MTF1: variants seen among roughly 807,000 people sequenced by gnomAD.
MTF1 encodes MRE-binding transcription factor.
A neutral mutation model predicts 70.4 loss-of-function variants in MTF1; 22 were observed. The ratio of observed to expected loss-of-function variants is 0.31; its 90% CI spans 0.22 to 0.45. The LOEUF (loss-of-function observed/expected upper bound fraction) is 0.45, where lower values mean the gene tolerates loss of function less well. Ranked by LOEUF, MTF1 falls within the 20% of genes least tolerant of loss-of-function variation. The pLI, the probability that MTF1 is intolerant of heterozygous loss-of-function variation, is 1.00. For synonymous variants in MTF1, 333 were observed against 352.8 expected, an observed-to-expected ratio of 0.94 and a Z score of 0.63; for missense variants, 649 against 922.0, an observed-to-expected ratio of 0.70 and a Z score of 3.83.
At position 37,815,095 on chromosome 1, in the gene MTF1, T is replaced by C. The variant is rs771862954; in HGVS notation, c.*41A>G. On this transcript the variant is annotated 3_prime_UTR_variant, in exon 11 of 11. Coordinates refer to ENST00000373036, the MANE Select transcript of MTF1 (RefSeq NM_005955.3). The surrounding 1 kb of genome is among the most constrained non-coding windows in gnomAD (Gnocchi z 4.5). ...GGCAGGCATTGTACCTCATGCCTCC[T>C]GCTCACCCGCTTTTCCCAGAGGTGA... 4.2e-5 allele frequency: 66 copies of C among 1,574,870 alleles called. No homozygotes were observed. Among genetic ancestry groups the C allele is most frequent in the Non-Finnish European group, 5.0e-5 (57 of 1,149,944 alleles).
At chr1:37,838,223 G>A (rs1433313989) in intron 4 of MTF1, among the ~76,000 whole-genome samples, 1 of 152,070 alleles carries the variant, frequency 6.6e-6, no homozygotes, top group Non-Finnish European at 1.5e-5. Flanking sequence ...CCTCCTCTGG[G>A]CTTAAGGCAC....
chr1:37,858,022 A>AAT (rs1641527179), intron 1 of MTF1, among the ~76,000 whole-genome samples: 1 of 151,710 alleles, frequency 6.6e-6, no homozygotes, highest in Non-Finnish European at 1.5e-5. Flanking sequence ...TAATAAAAAA[A>AAT]AAAAAAAAAG....
At chr1:37,827,336 G>GTTATTATTATTATTA (rs71573764) in intron 7 of MTF1, among the ~76,000 whole-genome samples, 9 of 144,086 alleles carry the variant, frequency 6.2e-5, no homozygotes, top group African/African-American at 2.3e-4. Context: ...CCTCATAGTT[G>GTTATTATTATTATTA]TTATTATTAT....
intron 6 of MTF1, among the ~76,000 whole-genome samples, chr1:37,833,786 G>C (rs545465230): frequency 6.6e-6 from 1 of 152,006 alleles, no homozygotes; most frequent in African/African-American, 2.4e-5. Flanking sequence ...TTTGAGTAGA[G>C]AGTGAAGGAA....
In MTF1 at chr1:37,822,373, A is replaced by T. The variant is rs767763261; in HGVS notation, c.1515T>A (p.Ala505=). The T allele has an allele frequency of 8.1e-6, 13 of 1,613,768 alleles. No homozygotes were observed. The South Asian group carries it at 1.4e-4, about 18-fold the overall frequency. Residue 505 remains alanine (A), a synonymous_variant, in exon 9 of 11, where the codon GCT becomes GCA. Coordinates refer to ENST00000373036, the MANE Select transcript of MTF1 (RefSeq NM_005955.3). ...IVPGLSVVAG[A]SASAAAVASA... The stretch of plus-strand genomic sequence containing the variant: ...ATGCCACTGCCGCTGCTGATGCAGA[A>T]GCCCCAGCAACAACAGAAAGTCCTG...
intron 2 of MTF1, among the ~76,000 whole-genome samples, chr1:37,842,060 A>C: frequency 6.6e-6 from 1 of 152,088 alleles, no homozygotes; most frequent in East Asian, 1.9e-4. Context: ...GGGAAAAAAA[A>C]CTAGATAAAC....
chr1:37,834,479 A>C (rs1641134150), intron 6 of MTF1, among the ~76,000 whole-genome samples: 1 of 152,190 alleles, frequency 6.6e-6, no homozygotes. Context: ...TTAAAAATCT[A>C]TAAAATAAAA....
At chr1:37,817,070 T>G (rs899867472) in intron 10 of MTF1, among the ~76,000 whole-genome samples, 2 of 152,244 alleles carry the variant, frequency 1.3e-5, no homozygotes, top group African/African-American at 4.8e-5. Flanking sequence ...CAGATGCTAT[T>G]TCTTCATTAC....
At chr1:37,855,635 A>C (rs1187985082) in intron 2 of MTF1, among the ~76,000 whole-genome samples, 1 of 152,144 alleles carries the variant, frequency 6.6e-6, no homozygotes, top group Non-Finnish European at 1.5e-5. Context: ...ACTACTAGTG[A>C]CTTATTTTTT....
chr1:37,852,023 G>A (rs1641425064), intron 2 of MTF1, among the ~76,000 whole-genome samples: 1 of 151,946 alleles, frequency 6.6e-6, no homozygotes, highest in Admixed American at 6.6e-5. Context: ...AGGCTTCTTC[G>A]GGGCTCCTCA....
intron 9 of MTF1, among the ~76,000 whole-genome samples, chr1:37,821,886 G>A (rs1045871255): frequency 2.6e-5 from 4 of 151,934 alleles, no homozygotes; most frequent in Non-Finnish European, 4.4e-5. Context: ...AGGAATATTT[G>A]TTTGAGTGCC....
intron 7 of MTF1, among the ~76,000 whole-genome samples, chr1:37,826,296 CCT>C (rs1641000375): frequency 6.6e-6 from 1 of 152,076 alleles, no homozygotes; most frequent in South Asian, 2.1e-4. Context: ...CTTTTCCCCC[CCT>C]TTTTTTCAGA....
At chr1:37,837,393 G>A (rs577429250) in intron 4 of MTF1, among the ~76,000 whole-genome samples, 155 of 152,196 alleles carry the variant, frequency 1.0e-3, no homozygotes, top group African/African-American at 3.6e-3. Context: ...TGTCTCTAAC[G>A]ACTTTTTATT....
rs1031067861 is a variant in MTF1 at position 37,813,302 on chromosome 1, C to T, written c.*1834G>A. On this transcript the variant is annotated 3_prime_UTR_variant, in exon 11 of 11. Coordinates refer to ENST00000373036, the MANE Select transcript of MTF1 (RefSeq NM_005955.3). ...CAAAAAAAAAAAGAAGTCAATTATT[C>T]TGGCTAGGGTCCTGGAATGAGAAAT... The T allele has an allele frequency of 6.6e-6, 1 of 152,124 alleles. No individual in the cohort carries two copies. The highest frequency in any genetic ancestry group is 6.6e-5 in the Admixed American group (1 of 15,258). The allele number at this position is 152,124 out of a possible 1,614,324, so 9.4% of individuals were successfully genotyped here. A position where few individuals can be genotyped will look rare whatever the true frequency, so the allele number is the denominator to read the frequency against.
Position 37,809,907 on chromosome 1 carries a change from C to T in MTF1, c.*5229G>A, listed in dbSNP as rs1179219771. The stretch of plus-strand genomic sequence containing the variant: ...ATTTTAAAAGTTGTCACCAAGACCC[C>T]GGCCAATGATTAGTGTATGTCAAAA... On this transcript the variant is annotated 3_prime_UTR_variant, in exon 11 of 11. Transcript: ENST00000373036. 6.6e-6 allele frequency: 1 copy of T among 152,562 alleles called. No homozygotes were observed. The highest frequency in any genetic ancestry group is 1.5e-5 in the Non-Finnish European group (1 of 68,016). 9.5% of individuals were successfully genotyped at this position (152,562 alleles called of 1,614,324 possible).
In MTF1 at chr1:37,815,507, C is replaced by T. The variant is rs200294506; in HGVS notation, c.1891G>A (p.Ala631Thr). ...VPVIIIKQEE[A>T]CQCQCACRDS... ...CGGCATGCACACTGACACTGACATG[C>T]CTCTTCTTGTTTGATGATGATCACA... The change falls in exon 11 of 11, where the codon GCA (alanine) becomes ACA (threonine). Residue 631 changes from alanine (A) to threonine (T), a missense_variant. Transcript: ENST00000373036. The surrounding 1 kb of genome is among the most constrained non-coding windows in gnomAD (Gnocchi z 4.5). The T allele has an allele frequency of 6.4e-7, 1 of 1,554,100 alleles. No individual in the cohort carries two copies. The highest frequency in any genetic ancestry group is 8.7e-7 in the Non-Finnish European group (1 of 1,152,188).
At chr1:37,842,707 C>T (rs1468614270) in intron 2 of MTF1, among the ~76,000 whole-genome samples, 3 of 152,090 alleles carry the variant, frequency 2.0e-5, no homozygotes, top group Non-Finnish European at 4.4e-5. Context: ...AATTCTGGCA[C>T]TTTTGTTCAA....
In MTF1 at chr1:37,857,389, G is replaced by A. The variant is rs766151369; in HGVS notation, c.270C>T (p.Ser90=). 1 of 1,614,122 alleles carries A rather than the reference G, an allele frequency of 6.2e-7. No individual in the cohort carries two copies. Among genetic ancestry groups the A allele is most frequent in the East Asian group, 2.2e-5 (1 of 44,886 alleles). The part of the protein sequence containing the change: ...GFHLIDHEAM[S]QGYVQHIISP... ...AGATAATGTGCTGCACATAACCCTG[G>A]GACATTGCTTCATGATCTATCAGGT... Residue 90 remains serine (S), a synonymous_variant, in exon 2 of 11, where the codon TCC becomes TCT. Coordinates refer to ENST00000373036, the MANE Select transcript of MTF1 (RefSeq NM_005955.3).
intron 7 of MTF1, chr1:37,828,140 TAAAC>T: frequency 2.5e-6 from 1 of 393,206 alleles, no homozygotes; most frequent in Non-Finnish European, 4.9e-6. Flanking sequence ...AAGCCACACA[TAAAC>T]AAGTATATGA....
Sources: gnomAD v4.1 joint callset for allele counts (sites outside exome capture counted in the v4.1 genomes callset) on GRCh38, gnomAD v4.1.1 for gene constraint, Gnocchi (gnomAD v3.1) non-coding constraint, MANE v1.5 for transcripts, NCBI Gene and HGNC (gene_info 2026-07-23, HGNC 2026-07-21) for gene names.